ITGB3BP: variants seen among roughly 807,000 people sequenced by gnomAD.
ITGB3BP encodes centromere protein R.
ITGB3BP carries 27 observed loss-of-function variants against 29.1 expected under a neutral mutation model. That is an observed-to-expected ratio of 0.93 (90% CI 0.68 to 1.28). The LOEUF is 1.28. ITGB3BP is among the 50% of genes most tolerant of loss of function. ITGB3BP has a pLI of 0.00. For synonymous variants in ITGB3BP, 61 were observed against 61.4 expected, an observed-to-expected ratio of 0.99 and a Z score of 0.03; for missense variants, 192 against 200.2, an observed-to-expected ratio of 0.96 and a Z score of 0.25.
At chr1:63,487,108 G>A (rs1205579142) in intron 3 of ITGB3BP, among the ~76,000 whole-genome samples, 2 of 151,868 alleles carry the variant, frequency 1.3e-5, no homozygotes, top group Non-Finnish European at 2.9e-5. Flanking sequence ...ATAAATTTGT[G>A]TATGTTTTAT....
rs1646504577 is a variant in ITGB3BP, at chr1:63,523,214, A to G, written c.-81T>C. 1 of 1,597,236 alleles carries G rather than the reference A, an allele frequency of 6.3e-7. No individual in the cohort carries two copies. The highest frequency in any genetic ancestry group is 1.1e-5 in the South Asian group (1 of 90,646). On this transcript the variant is annotated 5_prime_UTR_variant, in exon 1 of 9. Transcript: ENST00000271002. ...GAAAACAGAAAATCCGCCAAAGGAA[A>G]CGCCAAGGCATGAAAAGCGCGCGCT...
intron 7 of ITGB3BP, among the ~76,000 whole-genome samples, chr1:63,452,528 G>A (rs1238034432): frequency 3.3e-5 from 5 of 152,256 alleles, no homozygotes; most frequent in Admixed American, 1.3e-4. Context: ...GAGGCCAGGC[G>A]TGTTGGCTTA....
At chr1:63,523,243 C>A, upstream of ITGB3BP, 1 of 1,472,470 alleles carries the variant, frequency 6.8e-7, no homozygotes, top group African/African-American at 1.4e-5. Context: ...GCGCGCTGGA[C>A]GTTGCGTCAA....
intron 3 of ITGB3BP, among the ~76,000 whole-genome samples, chr1:63,484,947 T>A (rs1405109143): frequency 6.6e-6 from 1 of 152,024 alleles, no homozygotes; most frequent in Non-Finnish European, 1.5e-5. Context: ...TCTTTCTCTA[T>A]CTCTTATGTA....
At chr1:63,519,511 A>C (rs1646404179) in intron 1 of ITGB3BP, among the ~76,000 whole-genome samples, 1 of 152,060 alleles carries the variant, frequency 6.6e-6, no homozygotes, top group South Asian at 2.1e-4. Flanking sequence ...GACTTTACTG[A>C]CTTTTACAAG....
chr1:63,477,275 T>A (rs529092856), intron 4 of ITGB3BP, among the ~76,000 whole-genome samples: 12 of 152,224 alleles, frequency 7.9e-5, no homozygotes, highest in Admixed American at 2.0e-4. Flanking sequence ...AATAAATAGA[T>A]CTGTGCCCTG....
Position 63,520,903 on chromosome 1 carries a change from G to A in ITGB3BP, c.5+2226C>T, listed in dbSNP as rs558843047. On this transcript the variant is annotated intron_variant, in intron 1 of 8. Coordinates refer to ENST00000271002, the MANE Select transcript of ITGB3BP (RefSeq NM_014288.5). ...TTTTGCGTGTTCTTAAGTTTTATAA[G>A]GATAACAAATGTAGTCTCATACAAA... Among the ~76,000 whole-genome samples the A allele has an allele frequency of 1.1e-3, 163 of 152,088 alleles. 1 individual carries two copies. Among genetic ancestry groups the A allele is most frequent in the Non-Finnish European group, 1.9e-3 (130 of 67,968 alleles).
At chr1:63,471,187 A>G (rs1645189639) in intron 4 of ITGB3BP, among the ~76,000 whole-genome samples, 1 of 124,688 alleles carries the variant, frequency 8.0e-6, no homozygotes, top group Admixed American at 9.3e-5. Context: ...AGGACTTTTA[A>G]AGCTGTTTAA....
chr1:63,502,727 G>A (rs1245604347), intron 2 of ITGB3BP, among the ~76,000 whole-genome samples: 1 of 137,516 alleles, frequency 7.3e-6, no homozygotes, highest in East Asian at 2.1e-4. Context: ...ATGTGTTCTC[G>A]TTGTTCAATT....
In ITGB3BP at chr1:63,455,278, T is replaced by C. The variant is rs116508627; in HGVS notation, c.255-310A>G. Among the ~76,000 whole-genome samples the C allele has an allele frequency of 3.9e-3, 600 of 152,160 alleles. 4 individuals carry two copies. Among genetic ancestry groups the C allele is most frequent in the African/African-American group, 0.013 (550 of 41,518 alleles). On this transcript the variant is annotated intron_variant, in intron 4 of 8. Transcript: ENST00000271002. Reference sequence around the variant, plus strand: ...TCAGTATCACCTAGTAACTTCTTTTTAAAATAAAAAAAGTTTTATGACTTT... The same window carrying C: ...TCAGTATCACCTAGTAACTTCTTTTCAAAATAAAAAAAGTTTTATGACTTT...
At chr1:63,501,099 T>A (rs937782853) in intron 2 of ITGB3BP, among the ~76,000 whole-genome samples, 5 of 152,158 alleles carry the variant, frequency 3.3e-5, no homozygotes, top group Non-Finnish European at 7.4e-5. Context: ...ACTAGATTCA[T>A]TTTTTTACAT....
intron 3 of ITGB3BP, among the ~76,000 whole-genome samples, chr1:63,485,142 A>G (rs2100652251): frequency 6.6e-6 from 1 of 152,194 alleles, no homozygotes; most frequent in East Asian, 1.9e-4. Context: ...ATTAATGAAA[A>G]TGGCTAGAAC....
intron 3 of ITGB3BP, among the ~76,000 whole-genome samples, chr1:63,486,173 T>C (rs1046020734): frequency 6.6e-6 from 1 of 152,086 alleles, no homozygotes; most frequent in Non-Finnish European, 1.5e-5. Flanking sequence ...TACAGATCTA[T>C]TGTCCAGTTA....
rs1439687739 is a variant in ITGB3BP at position 63,490,189 on chromosome 1, C to T, written c.78G>A (p.Lys26=). ...TTGGAGAATAAGTTATAACACTTTTCTTCCTTGTGATTTTTGAAGGATCAA... is the reference window on the plus strand; with the variant it reads ...TTGGAGAATAAGTTATAACACTTTTTTTCCTTGTGATTTTTGAAGGATCAA... ...NSFDPSKITR[K]KSVITYSPTT... is the part of the protein sequence containing the mutation. The change falls in exon 3 of 9, where the codon AAG becomes AAA. Residue 26 remains lysine (K), a synonymous_variant. Coordinates refer to ENST00000271002, the MANE Select transcript of ITGB3BP (RefSeq NM_014288.5). 6.3e-7 allele frequency: 1 copy of T among 1,584,206 alleles called. No individual in the cohort carries two copies. The highest frequency in any genetic ancestry group is 8.7e-7 in the Non-Finnish European group (1 of 1,155,804).
intron 4 of ITGB3BP, among the ~76,000 whole-genome samples, chr1:63,468,912 G>A (rs1645146475): frequency 2.1e-5 from 3 of 141,816 alleles, no homozygotes; most frequent in African/African-American, 5.2e-5. Context: ...TAAGGTGGGC[G>A]TGGTGGTGTG....
At position 63,454,231 on chromosome 1, in the gene ITGB3BP, G is replaced by A; in HGVS notation, c.427+149C>T. 2.0e-6 allele frequency: 1 copy of A among 499,438 alleles called. No individual in the cohort carries two copies. The highest frequency in any genetic ancestry group is 3.6e-6 in the Non-Finnish European group (1 of 279,662). The allele number at this position is 499,438 out of a possible 1,614,324, so 30.9% of individuals were successfully genotyped here. ...CCCAAAATAACACATCCTGATAAAA[G>A]ACATGTGGCTTCTTATTTAAAGAAG... On this transcript the variant is annotated intron_variant, in intron 6 of 8. Transcript: ENST00000271002. The surrounding 1 kb of genome is among the most constrained non-coding windows in gnomAD (Gnocchi z 4.1).
intron 2 of ITGB3BP, among the ~76,000 whole-genome samples, chr1:63,493,086 A>ACGCGCGCGCGCGCGCGCG (rs772254640): frequency 3.7e-5 from 5 of 134,490 alleles, no homozygotes; most frequent in Non-Finnish European, 8.0e-5. Flanking sequence ...ACACACACAC[A>ACGCGCGCGCGCGCGCGCG]CACGCGCGCG....
At chr1:63,505,245 T>G (rs1365341807) in intron 2 of ITGB3BP, among the ~76,000 whole-genome samples, 1 of 152,066 alleles carries the variant, frequency 6.6e-6, no homozygotes, top group Non-Finnish European at 1.5e-5. Context: ...CTTGGGAGGG[T>G]GTATGTGTCG....
At chr1:63,496,867 T>C (rs1469921005) in intron 2 of ITGB3BP, among the ~76,000 whole-genome samples, 1 of 152,222 alleles carries the variant, frequency 6.6e-6, no homozygotes, top group Non-Finnish European at 1.5e-5. Context: ...GGTTAGAGCC[T>C]GGGCCAGGTG....
Sources: gnomAD v4.1 joint callset for allele counts (sites outside exome capture counted in the v4.1 genomes callset) on GRCh38, gnomAD v4.1.1 for gene constraint, Gnocchi (gnomAD v3.1) non-coding constraint, MANE v1.5 for transcripts, NCBI Gene and HGNC (gene_info 2026-07-23, HGNC 2026-07-21) for gene names.